Variants in ELP5 observed in about 807,000 individuals in gnomAD.
ELP5 encodes the protein elongator acetyltransferase complex subunit 5, also known as elongator complex protein 5.
A neutral mutation model predicts 33.4 loss-of-function variants in ELP5; 34 were observed. That is an observed-to-expected ratio of 1.02 (90% confidence interval 0.78 to 1.36). ELP5 has a LOEUF of 1.36. ELP5 is among the 40% of genes most tolerant of loss of function. The pLI, the probability that ELP5 is intolerant of heterozygous loss-of-function variation, is 0.00. For missense variants in ELP5, 373 were observed against 371.7 expected, an observed-to-expected ratio of 1.00 and a Z score of -0.03; for synonymous variants, 161 against 146.4, an observed-to-expected ratio of 1.10 and a Z score of -0.72.
intron 2 of ELP5, 23 bp downstream of exon 2, chr17:7,252,853 C>G: frequency 6.2e-7 from 1 of 1,614,200 alleles, no homozygotes; most frequent in Non-Finnish European, 8.5e-7. Flanking sequence ...CAGTGTCTCC[C>G]CGGCCTACCC....
Position 7,252,238 on chromosome 17 carries a change from C to G in ELP5, c.-313C>G, listed in dbSNP as rs9903412. ...TCACTTGGCCCGCGCTTAGGGCCCT[C>G]GCGGGGGGCTTGTGGGTCCTCCTCC... On this transcript the variant is annotated 5_prime_UTR_variant, in exon 1 of 8. Coordinates refer to ENST00000396628, the MANE Select transcript of ELP5 (RefSeq NM_203414.3). 2,941 of 469,848 alleles carry G rather than the reference C, an allele frequency of 6.3e-3. 73 individuals carry two copies. The highest frequency in any genetic ancestry group is 0.053 in the African/African-American group (2,658 of 50,288). The allele number at this position is 469,848 out of a possible 1,614,324, so 29.1% of individuals were successfully genotyped here.
At chr17:7,254,545 G>A in intron 3 of ELP5, 38 bp from the exon 4 acceptor site, 2 of 1,478,746 alleles carry the variant, frequency 1.4e-6, no homozygotes, top group Non-Finnish European at 9.3e-7. Context: ...CTCGGGGGAA[G>A]GGGCAATATT....
intron 7 of ELP5, 199 bp from the exon 8 acceptor site, chr17:7,259,372 G>A (rs2072158829): frequency 1.4e-6 from 2 of 1,411,830 alleles, no homozygotes; most frequent in South Asian, 1.6e-5. Flanking sequence ...GTTTTATTAG[G>A]AGAGCAGTAC....
intron 4 of ELP5, 88 bp downstream of exon 4, chr17:7,254,891 C>A: frequency 9.2e-7 from 1 of 1,085,700 alleles, no homozygotes; most frequent in Non-Finnish European, 1.4e-6. Flanking sequence ...GAATAAACAT[C>A]TGGGTTCTCC....
intron 1 of ELP5, 27 bp from the exon 2 acceptor site, chr17:7,252,733 GCGCTCTCATA>G (rs1567590323): frequency 1.2e-6 from 2 of 1,613,958 alleles, no homozygotes; most frequent in South Asian, 2.2e-5. Context: ...GGTAATCCCA[GCGCTCTCATA>G]CCCTTTATCC....
rs1165771547 is a variant in ELP5 at position 7,259,705 on chromosome 17, T to G, written c.*20T>G. On this transcript the variant is annotated 3_prime_UTR_variant, in exon 8 of 8. Transcript: ENST00000396628. ...ATTTGACTGGCCAGATTTGATTAGA[T>G]TGTAATTGGAGGGGGCGCGGGAAGA... 1 of 1,614,012 alleles carries G rather than the reference T, an allele frequency of 6.2e-7. No homozygotes were observed. Among genetic ancestry groups the G allele is most frequent in the African/African-American group, 1.3e-5 (1 of 75,020 alleles).
At chr17:7,256,299 C>T (rs925809037) in intron 4 of ELP5, among the ~76,000 whole-genome samples, 57 of 152,080 alleles carry the variant, frequency 3.7e-4, no homozygotes, top group African/African-American at 1.3e-3. Flanking sequence ...GCCAAGATTG[C>T]GCCACTGCAC....
chr17:7,259,312 G>A (rs1255425164), intron 7 of ELP5: 2 of 1,388,582 alleles, frequency 1.4e-6, no homozygotes, highest in African/African-American at 2.9e-5. Context: ...TATGTGGGCG[G>A]ATGACGCAAG....
intron 4 of ELP5, 100 bp downstream of exon 4, chr17:7,254,903 G>A (rs1367720839): frequency 4.4e-6 from 4 of 916,428 alleles, no homozygotes; most frequent in East Asian, 2.9e-5. Flanking sequence ...GGGTTCTCCA[G>A]TCAGACCTTT....
rs73976776 is a variant in ELP5, at chr17:7,254,538, G to A, written c.189-45G>A. Reference sequence around the variant, plus strand: ...AGAGGATGAACTTTGTGATCCTCTCGGGGGAAGGGGCAATATTATATTGTG... The same window carrying A: ...AGAGGATGAACTTTGTGATCCTCTCAGGGGAAGGGGCAATATTATATTGTG... On this transcript the variant is annotated intron_variant, in intron 3 of 7. Coordinates refer to ENST00000396628, the MANE Select transcript of ELP5 (RefSeq NM_203414.3). 1.2e-3 allele frequency: 1,658 copies of A among 1,429,710 alleles called. 16 individuals carry two copies. The African/African-American group carries it at 0.021, about 18-fold the overall frequency. 88.6% of individuals were successfully genotyped at this position (1,429,710 alleles called of 1,614,324 possible).
At chr17:7,254,492 G>A in intron 3 of ELP5, 91 bp from the exon 4 acceptor site, 1 of 894,474 alleles carries the variant, frequency 1.1e-6, no homozygotes, top group South Asian at 1.7e-5. Flanking sequence ...CATAAAAATT[G>A]AGAAAACAGC....
chr17:7,255,499 C>T (rs2072056629), intron 4 of ELP5, among the ~76,000 whole-genome samples: 1 of 151,162 alleles, frequency 6.6e-6, no homozygotes, highest in Non-Finnish European at 1.5e-5. Context: ...TGCACTCCAG[C>T]CTGGGCGACA....
rs1463112539 is a variant in ELP5, at chr17:7,252,518, G to A, written c.-33G>A. ...ACACTGGGTCATGACGCCATCAGAG[G>A]GCGCCAGAGCAGGGACCGGACGCGA... On this transcript the variant is annotated 5_prime_UTR_variant, in exon 1 of 8. Coordinates refer to ENST00000396628, the MANE Select transcript of ELP5 (RefSeq NM_203414.3). 3.7e-6 allele frequency: 6 copies of A among 1,613,768 alleles called. No homozygotes were observed. The highest frequency in any genetic ancestry group is 3.3e-5 in the South Asian group (3 of 90,988).
intron 4 of ELP5, among the ~76,000 whole-genome samples, chr17:7,255,789 C>T (rs1339790736): frequency 6.6e-6 from 1 of 152,212 alleles, no homozygotes; most frequent in Non-Finnish European, 1.5e-5. Context: ...TGTCTGGGCG[C>T]AGTGGCTCAT....
At chr17:7,259,237 G>A (rs1396111498) in intron 7 of ELP5, 1 of 1,374,530 alleles carries the variant, frequency 7.3e-7, no homozygotes, top group East Asian at 2.8e-5. Flanking sequence ...AGGACAGAAG[G>A]CTATATGGGC....
At chr17:7,259,378 A>G (rs2072158981) in intron 7 of ELP5, 193 bp from the exon 8 acceptor site, 1 of 1,409,060 alleles carries the variant, frequency 7.1e-7, no homozygotes, top group South Asian at 1.6e-5. Flanking sequence ...TTAGGAGAGC[A>G]GTACAAGGGT....
chr17:7,258,182 C>T (rs1445838732), intron 5 of ELP5, among the ~76,000 whole-genome samples: 3 of 152,180 alleles, frequency 2.0e-5, no homozygotes, highest in Non-Finnish European at 2.9e-5. Flanking sequence ...GGCGCAGTGG[C>T]TTACACCTGT....
chr17:7,259,046 G>C, intron 7 of ELP5, 120 bp downstream of exon 7: 1 of 1,501,422 alleles, frequency 6.7e-7, no homozygotes, highest in East Asian at 2.4e-5. Flanking sequence ...TCCACCTCCA[G>C]AGACAAGTCC....
Position 7,254,609 on chromosome 17 carries a change from A to G in ELP5, c.215A>G (p.Asp72Gly), listed in dbSNP as rs772327176. The change falls in exon 4 of 8, where the codon GAC becomes GGC. Residue 72 changes from aspartate to glycine, a missense_variant. Transcript: ENST00000396628. The stretch of plus-strand genomic sequence containing the variant: ...CTGGTTTACCATGACTTCTTCAGAG[A>G]CCCTCTCAACTGGTCAAAAACTGAG... Reference protein sequence around the residue: ...NRLVYHDFFRDPLNWSKTEEA... With the variant: ...NRLVYHDFFRGPLNWSKTEEA... 1.9e-6 allele frequency: 3 copies of G among 1,613,038 alleles called. No homozygotes were observed. The East Asian group carries it at 6.7e-5, about 36-fold the overall frequency.
Sources: gnomAD v4.1 joint callset for allele counts (sites outside exome capture counted in the v4.1 genomes callset) on GRCh38, gnomAD v4.1.1 for gene constraint, MANE v1.5 for transcripts, NCBI Gene and HGNC (gene_info 2026-07-23, HGNC 2026-07-21) for gene names.